The following ROBO2 variants were observed in gnomAD, a reference collection of about 807,000 sequenced individuals.
ROBO2 encodes roundabout homolog 2.
A neutral mutation model predicts 160.8 loss-of-function variants in ROBO2; 53 were observed. That is an observed-to-expected ratio of 0.33 (90% confidence interval 0.26 to 0.41). The LOEUF is 0.41. Ranked by LOEUF, ROBO2 falls within the 10% of genes least tolerant of loss-of-function variation. ROBO2 has a pLI of 1.00. For synonymous variants in ROBO2, 664 were observed against 611.7 expected, an observed-to-expected ratio of 1.09 and a Z score of -1.26; for missense variants, 1,577 against 1,722.4, an observed-to-expected ratio of 0.92 and a Z score of 1.49.
chr3:76,784,036 C>T (rs895418143), intron 2 of ROBO2, among the ~76,000 whole-genome samples: 7 of 150,886 alleles, frequency 4.6e-5, no homozygotes, highest in African/African-American at 1.7e-4. Context: ...TCAGTTGGAA[C>T]ACTGTATTCT....
chr3:76,657,740 ATATT>A (rs1206835745), intron 2 of ROBO2, among the ~76,000 whole-genome samples: 1 of 141,226 alleles, frequency 7.1e-6, no homozygotes, highest in Admixed American at 6.9e-5. Flanking sequence ...GAGTGTATAT[ATATT>A]CATATATATG....
At chr3:77,535,041 A>T (rs2092001922) in intron 6 of ROBO2, among the ~76,000 whole-genome samples, 2 of 152,238 alleles carry the variant, frequency 1.3e-5, no homozygotes, top group South Asian at 4.1e-4. Flanking sequence ...CTGGTAGCAG[A>T]TAAAATACAA....
intron 2 of ROBO2, among the ~76,000 whole-genome samples, chr3:77,120,036 T>C (rs2074593989): frequency 1.3e-5 from 2 of 152,250 alleles, no homozygotes; most frequent in South Asian, 4.1e-4. Context: ...CTATTAAGCA[T>C]GAATTATTTT....
In ROBO2 at chr3:76,371,627, T is replaced by G. The variant is rs80216857; in HGVS notation, c.109+434025T>G. Among the ~76,000 whole-genome samples the G allele has an allele frequency of 3.3e-3, 507 of 152,070 alleles. 6 individuals are homozygous for G. Among genetic ancestry groups the G allele is most frequent in the Admixed American group, 0.024 (367 of 15,220 alleles). ...TCAAATGTTTACTCTAGTATTTGAA[T>G]GAGACATATTTTCAAGTTGATATTT... On this transcript the variant is annotated intron_variant, in intron 2 of 26. Transcript: ENST00000487694.
intron 2 of ROBO2, among the ~76,000 whole-genome samples, chr3:76,884,250 A>T (rs947365889): frequency 6.6e-6 from 1 of 152,224 alleles, no homozygotes; most frequent in Non-Finnish European, 1.5e-5. Flanking sequence ...TGAATGGAAT[A>T]ACATCTATTT....
At chr3:77,607,256 A>G (rs1222422521) in intron 20 of ROBO2, among the ~76,000 whole-genome samples, 1 of 152,130 alleles carries the variant, frequency 6.6e-6, no homozygotes, top group Admixed American at 6.5e-5. Flanking sequence ...AGTCTATAAA[A>G]CGTATCTTCG....
chr3:76,331,675 T>G (rs540256106), intron 2 of ROBO2, among the ~76,000 whole-genome samples: 23 of 149,286 alleles, frequency 1.5e-4, no homozygotes, highest in African/African-American at 5.6e-4. Context: ...TTGTTCTATT[T>G]TAAGTAATAT....
intron 2 of ROBO2, among the ~76,000 whole-genome samples, chr3:76,665,972 TATAATATATAC>T (rs2092016643): frequency 7.1e-6 from 1 of 140,170 alleles, no homozygotes; most frequent in Non-Finnish European, 1.5e-5. Context: ...ATATAATATA[TATAATATATAC>T]ATGTAATATA....
chr3:75,990,993 T>G (rs1485908781), intron 2 of ROBO2, among the ~76,000 whole-genome samples: 1 of 152,152 alleles, frequency 6.6e-6, no homozygotes, highest in Non-Finnish European at 1.5e-5. Flanking sequence ...AACTGGGACA[T>G]TCATCCATGA....
intron 2 of ROBO2, among the ~76,000 whole-genome samples, chr3:76,210,014 G>C (rs1703044104): frequency 6.6e-6 from 1 of 152,056 alleles, no homozygotes. Context: ...GAGTTGATTG[G>C]ACACTCTTTG....
intron 2 of ROBO2, among the ~76,000 whole-genome samples, chr3:76,923,898 G>A (rs1203965735): frequency 6.6e-6 from 1 of 152,174 alleles, no homozygotes; most frequent in Non-Finnish European, 1.5e-5. Context: ...TTGTGTTACC[G>A]GGAAGTGGTC....
At chr3:77,525,531 G>A (rs1000496556) in intron 6 of ROBO2, among the ~76,000 whole-genome samples, 15 of 150,440 alleles carry the variant, frequency 1.0e-4, no homozygotes, top group African/African-American at 3.4e-4. Flanking sequence ...AAACCTCCTA[G>A]CATTTTCATT....
chr3:76,936,271 T>C (rs923603313), intron 2 of ROBO2, among the ~76,000 whole-genome samples: 4 of 152,168 alleles, frequency 2.6e-5, no homozygotes, highest in African/African-American at 9.7e-5. Flanking sequence ...GATAGATATG[T>C]AGTAGCTTTC....
At chr3:77,044,166 TA>T (rs34879795) in intron 1 of ROBO2, among the ~76,000 whole-genome samples, 7,836 of 146,348 alleles carry the variant, frequency 0.054, 290 homozygotes, top group Non-Finnish European at 0.077. Context: ...AAAAATATTG[TA>T]AAAAAAAAAA....
At chr3:76,458,329 G>A (rs764826197) in intron 2 of ROBO2, among the ~76,000 whole-genome samples, 14 of 152,066 alleles carry the variant, frequency 9.2e-5, no homozygotes, top group Non-Finnish European at 1.6e-4. Flanking sequence ...GCAAAATGCT[G>A]CCAGTCTCTT....
intron 2 of ROBO2, among the ~76,000 whole-genome samples, chr3:77,409,769 C>G (rs1342509985): frequency 6.6e-6 from 1 of 152,048 alleles, no homozygotes; most frequent in African/African-American, 2.4e-5. Flanking sequence ...TTTGATGAAG[C>G]TATGAAGCCC....
At chr3:76,457,453 G>A (rs191440606) in intron 2 of ROBO2, among the ~76,000 whole-genome samples, 27 of 152,282 alleles carry the variant, frequency 1.8e-4, no homozygotes, top group Admixed American at 1.0e-3. Flanking sequence ...AGGCAGCTCC[G>A]CCCCTGTGGC....
At chr3:76,268,186 C>T (rs1011576081) in intron 2 of ROBO2, among the ~76,000 whole-genome samples, 3 of 150,884 alleles carry the variant, frequency 2.0e-5, no homozygotes, top group East Asian at 2.0e-4. Flanking sequence ...GGGAGGATCA[C>T]TTGATTCCAG....
intron 2 of ROBO2, among the ~76,000 whole-genome samples, chr3:76,087,604 T>C (rs1576803589): frequency 2.0e-5 from 3 of 152,108 alleles, no homozygotes. Flanking sequence ...AGAAAAGGAA[T>C]AAGTGAAGAT....
Sources: allele counts gnomAD v4.1 joint callset (sites outside exome capture counted in the v4.1 genomes callset), GRCh38; gene constraint gnomAD v4.1.1; transcripts MANE v1.5; gene names NCBI Gene and HGNC (gene_info 2026-07-23, HGNC 2026-07-21).